Variants in SPAG17 observed in about 807,000 individuals in gnomAD.
The protein encoded by SPAG17 is sperm associated antigen 17, also known as sperm-associated antigen 17.
Under a neutral mutation model 273.6 loss-of-function variants are expected in SPAG17, and 169 were observed. The ratio of observed to expected loss-of-function variants is 0.62; its 90% CI spans 0.55 to 0.70. The LOEUF is 0.70. Ranked by LOEUF, SPAG17 falls within the 30% of genes least tolerant of loss-of-function variation. SPAG17 has a pLI of 0.00. For missense variants in SPAG17, 2,557 were observed against 2,627.8 expected (o/e 0.97, Z 0.59); for synonymous variants, 825 against 873.2 (o/e 0.94, Z 0.97).
intron 48 of SPAG17, chr1:117,959,451 TGAAA>T: frequency 6.3e-7 from 1 of 1,585,154 alleles, no homozygotes; most frequent in East Asian, 2.2e-5. Flanking sequence ...GACTTAGAAC[TGAAA>T]TGTGGTATCT....
At chr1:117,957,134 C>G in intron 48 of SPAG17, 1 of 1,612,576 alleles carries the variant, frequency 6.2e-7, no homozygotes, top group Non-Finnish European at 8.5e-7. Context: ...AACTCTTTAA[C>G]GAATTCATTC....
In SPAG17 at chr1:118,079,452, G is replaced by T. The variant is rs72631722; in HGVS notation, c.2209+1649C>A. Among the ~76,000 whole-genome samples the T allele has an allele frequency of 8.6e-5, 13 of 151,884 alleles. No individual in the cohort carries two copies. The East Asian group carries it at 1.5e-3, about 18-fold the overall frequency. On this transcript the variant is annotated intron_variant, in intron 15 of 48. Coordinates refer to ENST00000336338, the MANE Select transcript of SPAG17 (RefSeq NM_206996.4). ...TTATTCCTGATATAGTTTTATTCTC[G>T]ATAGAGTTATTCATGGGTTTTTATG... is the stretch of plus-strand genomic sequence containing the variant.
chr1:118,049,734 TA>T (rs554690174), intron 20 of SPAG17, among the ~76,000 whole-genome samples: 2 of 151,438 alleles, frequency 1.3e-5, no homozygotes, highest in African/African-American at 4.9e-5. Context: ...TGAGGAAAAA[TA>T]AAAAAAACTA....
chr1:118,047,182 C>A (rs1650454234), intron 20 of SPAG17, among the ~76,000 whole-genome samples: 1 of 152,068 alleles, frequency 6.6e-6, no homozygotes, highest in Non-Finnish European at 1.5e-5. Context: ...TTGTCTACAC[C>A]TGCACTTCCT....
chr1:118,148,290 G>A (rs1171103977), intron 3 of SPAG17, among the ~76,000 whole-genome samples: 1 of 152,130 alleles, frequency 6.6e-6, no homozygotes, highest in Non-Finnish European at 1.5e-5. Flanking sequence ...TGACTTCGTG[G>A]TGTTACAGCT....
intron 22 of SPAG17, 39 bp downstream of exon 22, chr1:118,040,691 T>C: frequency 7.4e-7 from 1 of 1,345,054 alleles, no homozygotes; most frequent in East Asian, 2.3e-5. Context: ...AATGCATTAT[T>C]ATGTTTCCAA....
intron 4 of SPAG17, among the ~76,000 whole-genome samples, chr1:118,103,892 G>T (rs1315193144): frequency 9.0e-6 from 1 of 110,626 alleles, no homozygotes; most frequent in African/African-American, 3.3e-5. Flanking sequence ...GGCATAAGAG[G>T]CTGCGTGTGT....
At chr1:117,983,745 G>C (rs1189045763) in intron 42 of SPAG17, 66 bp downstream of exon 42, 2 of 1,058,854 alleles carry the variant, frequency 1.9e-6, no homozygotes, top group Non-Finnish European at 2.8e-6. Flanking sequence ...TGTCCTAAGA[G>C]GCCACTGTTA....
intron 6 of SPAG17, 115 bp from the exon 7 acceptor site, chr1:118,097,966 T>C (rs1440965912): frequency 3.7e-6 from 2 of 536,942 alleles, no homozygotes; most frequent in East Asian, 6.9e-5. Context: ...CCAGAAAATG[T>C]AAATAAAGGA....
At chr1:117,985,765 A>G (rs760053703) in intron 40 of SPAG17, among the ~76,000 whole-genome samples, 4 of 152,190 alleles carry the variant, frequency 2.6e-5, no homozygotes, top group African/African-American at 4.8e-5. Flanking sequence ...TAATCTTACA[A>G]TAACCCTGTG....
At chr1:118,148,142 C>A (rs552572435) in intron 3 of SPAG17, among the ~76,000 whole-genome samples, 1 of 152,274 alleles carries the variant, frequency 6.6e-6, no homozygotes, top group South Asian at 2.1e-4. Context: ...TCCCACAGTG[C>A]AGAGTTTCCT....
intron 15 of SPAG17, among the ~76,000 whole-genome samples, chr1:118,078,735 T>C (rs894732487): frequency 2.0e-5 from 3 of 152,118 alleles, no homozygotes; most frequent in Non-Finnish European, 2.9e-5. Context: ...ATTTATATGA[T>C]TGAGTAGTGT....
At chr1:117,959,058 GA>G in intron 48 of SPAG17, 1 of 1,542,348 alleles carries the variant, frequency 6.5e-7, no homozygotes, top group Non-Finnish European at 8.9e-7. Flanking sequence ...GTGTGATTTA[GA>G]AATAGTATAG....
chr1:118,111,445 T>C (rs373865616), intron 4 of SPAG17, among the ~76,000 whole-genome samples: 6 of 152,088 alleles, frequency 3.9e-5, no homozygotes, highest in Non-Finnish European at 7.4e-5. Flanking sequence ...TCCTGCTCTT[T>C]CTCTGTTCGA....
intron 1 of SPAG17, among the ~76,000 whole-genome samples, chr1:118,175,424 C>T (rs1001582733): frequency 2.6e-5 from 4 of 151,870 alleles, no homozygotes; most frequent in African/African-American, 7.3e-5. Context: ...AATAATCAAA[C>T]TCTCAAAGGT....
intron 48 of SPAG17, chr1:117,959,615 G>T: frequency 3.2e-6 from 2 of 626,772 alleles, no homozygotes; most frequent in Non-Finnish European, 5.0e-6. Flanking sequence ...TCCAACATGA[G>T]ATTATGGGCT....
At chr1:118,184,944 TC>T (rs76765710) in intron 1 of SPAG17, 126 bp downstream of exon 1, 51,222 of 790,186 alleles carry the variant, frequency 0.065, 2,683 homozygotes, top group East Asian at 0.24. Flanking sequence ...GGACCCTGGG[TC>T]CTGGAACCAT....
In SPAG17 at chr1:117,995,695, A is replaced by AACACAC. The variant is rs10570645; in HGVS notation, c.5053+669_5053+674dup. Reference sequence around the variant, plus strand: ...CCAAAACACAGAAAAAAGATGAAATAACACACACACACACACACACACACA... The same window carrying AACACAC: ...CCAAAACACAGAAAAAAGATGAAATAACACACACACACACACACACACACACACACA... On this transcript the variant is annotated intron_variant, in intron 34 of 48. Transcript: ENST00000336338. 3.0e-3 allele frequency among the ~76,000 whole-genome samples: 420 copies of AACACAC among 140,830 alleles called. 1 individual carries two copies. Among genetic ancestry groups the AACACAC allele is most frequent in the Non-Finnish European group, 5.0e-3 (322 of 64,342 alleles). The allele number at this position is 140,830 out of a possible 152,430, so 92.4% of individuals were successfully genotyped here. A position where few individuals can be genotyped will look rare whatever the true frequency, so the allele number is the denominator to read the frequency against.
chr1:118,062,365 T>C (rs1453408930), intron 18 of SPAG17, among the ~76,000 whole-genome samples: 1 of 16,560 alleles, frequency 6.0e-5, no homozygotes, highest in Non-Finnish European at 1.1e-4. Flanking sequence ...AGACTCCATC[T>C]CAAAAAAAAA....
Sources: gnomAD v4.1 joint callset for allele counts (sites outside exome capture counted in the v4.1 genomes callset) on GRCh38, gnomAD v4.1.1 for gene constraint, MANE v1.5 for transcripts, NCBI Gene and HGNC (gene_info 2026-07-23, HGNC 2026-07-21) for gene names.